Variants in MAN2A1 observed in about 807,000 individuals in gnomAD.
MAN2A1 encodes mannosidase alpha class 2A member 1.
In MAN2A1, 76 loss-of-function variants were observed where a neutral mutation model predicts 142.6. The observed-to-expected ratio is 0.53, with a 90% confidence interval of 0.44 to 0.65. The LOEUF is 0.65. MAN2A1 is among the 30% of genes least tolerant of loss of function. MAN2A1 has a pLI of 0.00. For missense variants in MAN2A1, 1,311 were observed against 1,365.1 expected, an observed-to-expected ratio of 0.96 and a Z score of 0.62; for synonymous variants, 559 against 473.2, an observed-to-expected ratio of 1.18 and a Z score of -2.35.
intron 4 of MAN2A1, among the ~76,000 whole-genome samples, chr5:109,735,494 T>A (rs1316453134): frequency 6.6e-6 from 1 of 152,192 alleles, no homozygotes; most frequent in African/African-American, 2.4e-5. Flanking sequence ...TTGGCATGAT[T>A]TTGCAGTGGC....
chr5:109,722,032 G>T (rs1751617864), intron 3 of MAN2A1, among the ~76,000 whole-genome samples: 1 of 152,286 alleles, frequency 6.6e-6, no homozygotes, highest in East Asian at 1.9e-4. Flanking sequence ...TCTGTTCATG[G>T]CAGGGCTAGG....
At position 109,775,155 on chromosome 5, in the gene MAN2A1, C is replaced by T. The variant is rs907715919; in HGVS notation, c.1374+190C>T. Among the ~76,000 whole-genome samples, 73 of 152,066 alleles carry T rather than the reference C, an allele frequency of 4.8e-4. 1 individual carries two copies. The highest frequency in any genetic ancestry group is 1.7e-4 in the African/African-American group (7 of 41,432). On this transcript the variant is annotated intron_variant, in intron 8 of 21. Coordinates refer to ENST00000261483, the MANE Select transcript of MAN2A1 (RefSeq NM_002372.4). ...TATAGTTCCATATCTAAAGTTGTCC[C>T]GTTCCTAACACTCCTTGAGGATTAA... is the stretch of plus-strand genomic sequence containing the variant.
intron 20 of MAN2A1, chr5:109,863,529 G>C (rs1199384476): frequency 1.3e-5 from 2 of 152,194 alleles, no homozygotes; most frequent in South Asian, 2.1e-4. Flanking sequence ...TGCCCTACAA[G>C]GCAGTGTGAA....
At chr5:109,734,939 C>T (rs1324780803) in intron 4 of MAN2A1, among the ~76,000 whole-genome samples, 6 of 152,182 alleles carry the variant, frequency 3.9e-5, no homozygotes, top group South Asian at 2.1e-4. Context: ...TAACTTTCTG[C>T]CTCATTGATC....
intron 1 of MAN2A1, among the ~76,000 whole-genome samples, chr5:109,707,740 A>G (rs544366415): frequency 1.3e-4 from 20 of 152,230 alleles, no homozygotes; most frequent in Non-Finnish European, 1.5e-4. Context: ...TGGAACGGAG[A>G]TAAGATGAAG....
chr5:109,769,607 A>G (rs1045502807), intron 6 of MAN2A1, among the ~76,000 whole-genome samples: 1 of 152,236 alleles, frequency 6.6e-6, no homozygotes. Flanking sequence ...CCAGGCCAAC[A>G]TGTGATAACA....
chr5:109,767,290 A>C (rs1170001592), intron 5 of MAN2A1, among the ~76,000 whole-genome samples: 1 of 152,172 alleles, frequency 6.6e-6, no homozygotes, highest in Non-Finnish European at 1.5e-5. Flanking sequence ...AAAAGATGGC[A>C]GTATTTATTT....
At chr5:109,798,773 C>G (rs566460596) in intron 12 of MAN2A1, among the ~76,000 whole-genome samples, 1 of 152,140 alleles carries the variant, frequency 6.6e-6, no homozygotes, top group Non-Finnish European at 1.5e-5. Flanking sequence ...GCTCCGCCTC[C>G]CAGGTTCACA....
intron 6 of MAN2A1, among the ~76,000 whole-genome samples, chr5:109,769,039 A>G (rs1753067676): frequency 6.6e-6 from 1 of 152,210 alleles, no homozygotes; most frequent in Non-Finnish European, 1.5e-5. Flanking sequence ...TTAAGTATGC[A>G]AATTAGCTGC....
rs374553287 is a variant in MAN2A1, at chr5:109,855,337, A to G, written c.3171+3A>G. On this transcript the variant is annotated splice_donor_region_variant and intron_variant, in intron 20 of 21. Coordinates refer to ENST00000261483, the MANE Select transcript of MAN2A1 (RefSeq NM_002372.4). ...ATTTGAGAACAATACAGTCAAAGGT[A>G]TGTCTCAAAATATATCTTATAAAAA... 5 of 1,531,460 alleles carry G rather than the reference A, an allele frequency of 3.3e-6. No homozygotes were observed. Among genetic ancestry groups the G allele is most frequent in the Non-Finnish European group, 4.4e-6 (5 of 1,141,858 alleles). 94.9% of individuals were successfully genotyped at this position (1,531,460 alleles called of 1,614,324 possible).
chr5:109,836,656 A>C (rs757242557), intron 16 of MAN2A1, among the ~76,000 whole-genome samples: 1 of 152,122 alleles, frequency 6.6e-6, no homozygotes, highest in Non-Finnish European at 1.5e-5. Flanking sequence ...ACGGTGACCT[A>C]CTTGGTTTTA....
At chr5:109,811,443 C>T (rs1000221717) in intron 12 of MAN2A1, among the ~76,000 whole-genome samples, 4 of 151,960 alleles carry the variant, frequency 2.6e-5, no homozygotes, top group Non-Finnish European at 4.4e-5. Context: ...TATGTCTCTC[C>T]ATTCATTTTT....
At chr5:109,739,711 A>G (rs1752211034) in intron 4 of MAN2A1, among the ~76,000 whole-genome samples, 2 of 152,068 alleles carry the variant, frequency 1.3e-5, no homozygotes, top group South Asian at 2.1e-4. Context: ...TTCTTTTCTA[A>G]CCATATACTT....
intron 3 of MAN2A1, among the ~76,000 whole-genome samples, chr5:109,721,751 C>G (rs372841054): frequency 1.3e-5 from 2 of 152,156 alleles, no homozygotes; most frequent in Admixed American, 6.5e-5. Flanking sequence ...TAAGCAGCTG[C>G]TGAGAAATTT....
chr5:109,763,024 A>G (rs1011551549), intron 5 of MAN2A1, among the ~76,000 whole-genome samples: 6 of 152,224 alleles, frequency 3.9e-5, no homozygotes, highest in African/African-American at 1.2e-4. Context: ...CTTCCCTTAC[A>G]GGGTTACAAC....
At chr5:109,772,745 AATGATCC>A (rs1753183204) in intron 7 of MAN2A1, among the ~76,000 whole-genome samples, 1 of 152,062 alleles carries the variant, frequency 6.6e-6, no homozygotes, top group Non-Finnish European at 1.5e-5. Context: ...CCTGGGGTCA[AATGATCC>A]TCCTGCCTCG....
chr5:109,759,412 T>C (rs184079977), intron 5 of MAN2A1, among the ~76,000 whole-genome samples: 1 of 152,324 alleles, frequency 6.6e-6, no homozygotes, highest in East Asian at 1.9e-4. Context: ...AGTGATCTTA[T>C]ATCCTGTCAC....
chr5:109,826,421 C>T (rs373814948), intron 16 of MAN2A1, among the ~76,000 whole-genome samples: 31 of 151,990 alleles, frequency 2.0e-4, no homozygotes, highest in Middle Eastern at 3.4e-3. Flanking sequence ...CATTCTAGTC[C>T]GGATCATTTT....
intron 12 of MAN2A1, among the ~76,000 whole-genome samples, chr5:109,802,926 T>C (rs1378278504): frequency 6.6e-6 from 1 of 152,062 alleles, no homozygotes; most frequent in Non-Finnish European, 1.5e-5. Context: ...TTAAAGTTTA[T>C]GATAGGCTAC....
Sources: allele counts gnomAD v4.1 joint callset (sites outside exome capture counted in the v4.1 genomes callset), GRCh38; gene constraint gnomAD v4.1.1; transcripts MANE v1.5; gene names NCBI Gene and HGNC (gene_info 2026-07-23, HGNC 2026-07-21).